Variants in TMC2 observed in about 807,000 individuals in gnomAD.
The protein encoded by TMC2 is transmembrane channel like 2.
Under a neutral mutation model 105.9 loss-of-function variants are expected in TMC2, and 102 were observed. The observed-to-expected ratio is 0.96, with a 90% confidence interval of 0.82 to 1.14. The LOEUF is 1.14. Among genes scored for constraint, TMC2 ranks in the 50% most tolerant of loss-of-function variants. The pLI, the probability that TMC2 is intolerant of heterozygous loss-of-function variation, is 0.00. For missense variants in TMC2, 1,093 were observed against 1,134.3 expected (o/e 0.96, Z 0.52); for synonymous variants, 402 against 422.8 (o/e 0.95, Z 0.60).
chr20:2,573,200 C>T (rs760051656), intron 5 of TMC2, among the ~76,000 whole-genome samples: 19 of 152,130 alleles, frequency 1.2e-4, no homozygotes, highest in Non-Finnish European at 2.1e-4. Flanking sequence ...TTTTAAAAAT[C>T]CCTTTGCCAA....
At position 2,612,272 on chromosome 20, in the gene TMC2, G is replaced by T; in HGVS notation, c.1675G>T (p.Val559Phe). The T allele has an allele frequency of 6.2e-7, 1 of 1,612,630 alleles. No homozygotes were observed. The highest frequency in any genetic ancestry group is 8.5e-7 in the Non-Finnish European group (1 of 1,179,270). ...CAACTCTTCTGGTTGGAACGAGAGT[G>T]TCCCCCGACCACCCCTGCACCCTGC... ...YYNSSGWNESVPRPPLHPADV... is the reference protein window; with the variant it reads ...YYNSSGWNESFPRPPLHPADV... The change falls in exon 13 of 20, where the codon GTC becomes TTC. Residue 559 changes from valine (V) to phenylalanine (F), a missense_variant. By Grantham distance (50) the Val-to-Phe change is conservative. Coordinates refer to ENST00000358864, the MANE Select transcript of TMC2 (RefSeq NM_080751.3).
intron 10 of TMC2, among the ~76,000 whole-genome samples, chr20:2,598,865 C>A (rs1488051845): frequency 6.6e-6 from 1 of 151,528 alleles, no homozygotes; most frequent in African/African-American, 2.4e-5. Flanking sequence ...GAAAACAAAA[C>A]AAAACAAATC....
chr20:2,602,933 C>A (rs2086362301), intron 11 of TMC2, among the ~76,000 whole-genome samples: 1 of 152,176 alleles, frequency 6.6e-6, no homozygotes, highest in African/African-American at 2.4e-5. Context: ...CTTTTGAATC[C>A]ACCTTAGCTT....
At chr20:2,568,964 T>C (rs2086083727) in intron 4 of TMC2, among the ~76,000 whole-genome samples, 1 of 152,186 alleles carries the variant, frequency 6.6e-6, no homozygotes, top group Admixed American at 6.5e-5. Context: ...GGTAGGCATT[T>C]TGTAGGAGCA....
At chr20:2,629,431 A>T (rs544593749) in intron 17 of TMC2, among the ~76,000 whole-genome samples, 9 of 151,818 alleles carry the variant, frequency 5.9e-5, no homozygotes, top group Admixed American at 2.0e-4. Context: ...AATAAGGAAG[A>T]AAACAACCAG....
Position 2,542,479 on chromosome 20 carries a change from A to G in TMC2, c.82+5163A>G, listed in dbSNP as rs572546649. The stretch of plus-strand genomic sequence containing the variant: ...GGAGACCCCTTCCAAATGGAAATAT[A>G]TGTCCTGCTTTTAGTCCAAAAGGGC... On this transcript the variant is annotated intron_variant, in intron 2 of 19. Transcript: ENST00000358864. Among the ~76,000 whole-genome samples, 10 of 152,266 alleles carry G rather than the reference A, an allele frequency of 6.6e-5. No homozygotes were observed. The South Asian group carries it at 2.1e-3, about 32-fold the overall frequency.
intron 11 of TMC2, 74 bp from the exon 12 acceptor site, chr20:2,610,345 C>T (rs1176498312): frequency 4.4e-6 from 6 of 1,373,398 alleles, no homozygotes; most frequent in South Asian, 1.4e-5. Flanking sequence ...AGATGGATGG[C>T]CATGGGAGTG....
chr20:2,614,512 G>A (rs1229832088), intron 14 of TMC2, among the ~76,000 whole-genome samples: 1 of 152,136 alleles, frequency 6.6e-6, no homozygotes, highest in Non-Finnish European at 1.5e-5. Flanking sequence ...GGCTAAGGCA[G>A]GAGGATCCCT....
At chr20:2,636,704 A>G (rs1261079703) in intron 18 of TMC2, among the ~76,000 whole-genome samples, 2 of 151,796 alleles carry the variant, frequency 1.3e-5, no homozygotes, top group East Asian at 3.9e-4. Flanking sequence ...GCTCACTGCA[A>G]CCTCCACCTC....
intron 3 of TMC2, among the ~76,000 whole-genome samples, chr20:2,559,649 G>A (rs1409973672): frequency 6.6e-6 from 1 of 152,144 alleles, no homozygotes; most frequent in Non-Finnish European, 1.5e-5. Flanking sequence ...CACAGCCTCA[G>A]TTGGGTGCTC....
chr20:2,606,891 C>CCTTTTTTTTTTT (rs2086397017), intron 11 of TMC2, among the ~76,000 whole-genome samples: 1 of 83,980 alleles, frequency 1.2e-5, no homozygotes, highest in African/African-American at 5.9e-5. Flanking sequence ...TTTCTTTTTT[C>CCTTTTTTTTTTT]TTTTTTTTTT....
At chr20:2,542,330 A>AT (rs2085895386) in intron 2 of TMC2, among the ~76,000 whole-genome samples, 1 of 152,186 alleles carries the variant, frequency 6.6e-6, no homozygotes, top group Non-Finnish European at 1.5e-5. Context: ...TGGGTAAGTT[A>AT]TGGAAGGTGA....
chr20:2,542,025 A>C (rs1175588558), intron 2 of TMC2, among the ~76,000 whole-genome samples: 1 of 131,382 alleles, frequency 7.6e-6, no homozygotes, highest in African/African-American at 2.7e-5. Flanking sequence ...TTGATTAAAA[A>C]ATTTTCTTAT....
intron 19 of TMC2, among the ~76,000 whole-genome samples, chr20:2,638,145 TC>T (rs1218907235): frequency 3.9e-5 from 6 of 152,110 alleles, no homozygotes; most frequent in Non-Finnish European, 8.8e-5. Flanking sequence ...ATCGAGGCCA[TC>T]CTGGCTGACA....
intron 4 of TMC2, among the ~76,000 whole-genome samples, chr20:2,568,760 G>A (rs181798248): frequency 1.3e-5 from 2 of 152,286 alleles, no homozygotes; most frequent in African/African-American, 2.4e-5. Context: ...CCTGCCAAGG[G>A]GGGGAACAGG....
At chr20:2,612,751 A>G (rs2086450555) in intron 13 of TMC2, among the ~76,000 whole-genome samples, 1 of 152,208 alleles carries the variant, frequency 6.6e-6, no homozygotes, top group Non-Finnish European at 1.5e-5. Flanking sequence ...GAAAAAAGCT[A>G]GGCATTGTCT....
At chr20:2,538,129 A>G (rs1220959718) in intron 2 of TMC2, among the ~76,000 whole-genome samples, 2 of 152,022 alleles carry the variant, frequency 1.3e-5, no homozygotes, top group Non-Finnish European at 2.9e-5. Context: ...AGCTGGCCCC[A>G]GGAGCCACTT....
At chr20:2,544,614 C>T (rs1326393558) in intron 2 of TMC2, among the ~76,000 whole-genome samples, 1 of 152,194 alleles carries the variant, frequency 6.6e-6, no homozygotes, top group Non-Finnish European at 1.5e-5. Context: ...AATATCCTAT[C>T]TAAGGCAGTT....
At chr20:2,540,741 G>T (rs149619323) in intron 2 of TMC2, among the ~76,000 whole-genome samples, 5 of 151,574 alleles carry the variant, frequency 3.3e-5, no homozygotes, top group African/African-American at 1.2e-4. Flanking sequence ...TAAAATAAGT[G>T]AAGCAATCAC....
Sources: gnomAD v4.1 joint callset for allele counts (sites outside exome capture counted in the v4.1 genomes callset) on GRCh38, gnomAD v4.1.1 for gene constraint, MANE v1.5 for transcripts, NCBI Gene and HGNC (gene_info 2026-07-23, HGNC 2026-07-21) for gene names.